The following SPATS2L variants were observed in gnomAD, a reference collection of about 807,000 sequenced individuals.
The protein encoded by SPATS2L is SPATS2-like protein.
SPATS2L carries 30 observed loss-of-function variants against 59.6 expected under a neutral mutation model. The ratio of observed to expected loss-of-function variants is 0.50; its 90% CI spans 0.38 to 0.68. The LOEUF is 0.68. SPATS2L is among the 30% of genes least tolerant of loss of function. SPATS2L has a pLI of 0.00. For missense variants in SPATS2L, 615 were observed against 700.0 expected, an observed-to-expected ratio of 0.88 and a Z score of 1.37; for synonymous variants, 252 against 263.5, an observed-to-expected ratio of 0.96 and a Z score of 0.42.
At chr2:200,326,405 A>T (rs560185862) in intron 1 of SPATS2L, among the ~76,000 whole-genome samples, 1 of 152,362 alleles carries the variant, frequency 6.6e-6, no homozygotes, top group African/African-American at 2.4e-5. Flanking sequence ...AAAAGAAGAA[A>T]AATTACCAAT....
At chr2:200,412,995 G>T (rs1356481599) in intron 4 of SPATS2L, among the ~76,000 whole-genome samples, 1 of 152,184 alleles carries the variant, frequency 6.6e-6, no homozygotes, top group African/African-American at 2.4e-5. Context: ...GGCAGAGGTT[G>T]CACTGAGCTG....
Position 200,481,398 on chromosome 2 carries a change from A to T in SPATS2L, c.*3367A>T, listed in dbSNP as rs981297397. On this transcript the variant is annotated 3_prime_UTR_variant, in exon 13 of 13. Transcript: ENST00000409140. ...AGCCTTGATTTGAACCTCAAACTTG[A>T]TTTCACCATGAGAAGTGGGGATCAA... 2 of 152,208 alleles carry T rather than the reference A, an allele frequency of 1.3e-5. No individual in the cohort carries two copies. Among genetic ancestry groups the T allele is most frequent in the African/African-American group, 4.8e-5 (2 of 41,454 alleles). 9.4% of individuals were successfully genotyped at this position (152,208 alleles called of 1,614,324 possible).
chr2:200,362,108 ATGG>A (rs1459731483), intron 2 of SPATS2L, among the ~76,000 whole-genome samples: 1 of 152,088 alleles, frequency 6.6e-6, no homozygotes, highest in African/African-American at 2.4e-5. Context: ...ATAGCTAGGC[ATGG>A]TGGCACATGC....
At chr2:200,306,629 G>C (rs1409403622), upstream of SPATS2L, 1 of 992,528 alleles carries the variant, frequency 1.0e-6, no homozygotes, top group African/African-American at 1.8e-5. Context: ...GAAGGCGGGC[G>C]GGTCGGCGGG....
Position 200,478,134 on chromosome 2 carries a change from G to C in SPATS2L, c.*103G>C. 1 of 1,080,734 alleles carries C rather than the reference G, an allele frequency of 9.3e-7. No individual in the cohort carries two copies. The highest frequency in any genetic ancestry group is 3.1e-4 in the Middle Eastern group (1 of 3,184). The allele number at this position is 1,080,734 out of a possible 1,614,324, so 66.9% of individuals were successfully genotyped here. A position where few individuals can be genotyped will look rare whatever the true frequency, so the allele number is the denominator to read the frequency against. ...GTGTCAATCAGAATATACAAATCCC[G>C]TATGGTTGTGTCATCCTCTCTTAAT... On this transcript the variant is annotated 3_prime_UTR_variant, in exon 13 of 13. Coordinates refer to ENST00000409140, the MANE Select transcript of SPATS2L (RefSeq NM_001100423.2).
chr2:200,334,001 C>T (rs1246596561), intron 2 of SPATS2L, among the ~76,000 whole-genome samples: 1 of 152,144 alleles, frequency 6.6e-6, no homozygotes, highest in Non-Finnish European at 1.5e-5. Flanking sequence ...GATTTATAAT[C>T]CTTTGGGTAT....
chr2:200,452,312 T>A (rs1351456092), intron 8 of SPATS2L, among the ~76,000 whole-genome samples: 1 of 152,254 alleles, frequency 6.6e-6, no homozygotes, highest in African/African-American at 2.4e-5. Context: ...CATTTAATGT[T>A]GTGGGATTTC....
chr2:200,378,980 C>T (rs933292102), intron 2 of SPATS2L, among the ~76,000 whole-genome samples: 7 of 152,314 alleles, frequency 4.6e-5, no homozygotes, highest in East Asian at 3.9e-4. Flanking sequence ...AATACCTTTG[C>T]GCCTGACTCT....
chr2:200,387,093 A>T (rs1234730388), intron 2 of SPATS2L, among the ~76,000 whole-genome samples: 1 of 152,216 alleles, frequency 6.6e-6, no homozygotes, highest in Non-Finnish European at 1.5e-5. Flanking sequence ...CACTATTAGA[A>T]ATAATCAGAA....
intron 2 of SPATS2L, among the ~76,000 whole-genome samples, chr2:200,355,229 G>A (rs2080873440): frequency 6.6e-6 from 1 of 152,176 alleles, no homozygotes; most frequent in Non-Finnish European, 1.5e-5. Flanking sequence ...TGGAAAAATC[G>A]TGGTTTCTGG....
intron 2 of SPATS2L, among the ~76,000 whole-genome samples, chr2:200,349,253 G>C (rs1054971970): frequency 4.6e-5 from 7 of 151,830 alleles, no homozygotes; most frequent in African/African-American, 1.7e-4. Flanking sequence ...TCTCAGAATA[G>C]CAGGACCCTA....
intron 2 of SPATS2L, among the ~76,000 whole-genome samples, chr2:200,346,227 A>G (rs1044018914): frequency 6.6e-6 from 1 of 152,192 alleles, no homozygotes; most frequent in Non-Finnish European, 1.5e-5. Context: ...ATGACTTCTG[A>G]GTGGTTGTTA....
intron 2 of SPATS2L, among the ~76,000 whole-genome samples, chr2:200,362,786 T>A (rs941452767): frequency 2.0e-5 from 3 of 152,012 alleles, no homozygotes; most frequent in East Asian, 1.9e-4. Context: ...AGTAAAAAAA[T>A]ATCTAAGGAT....
intron 2 of SPATS2L, chr2:200,351,176 G>A (rs979955882): frequency 6.4e-6 from 3 of 466,694 alleles, no homozygotes; most frequent in Non-Finnish European, 1.3e-5. Context: ...TGAGGGAGAA[G>A]TGCATTTGTG....
intron 10 of SPATS2L, 122 bp from the exon 11 acceptor site, chr2:200,469,792 G>C (rs1018784187): frequency 2.8e-6 from 2 of 717,668 alleles, no homozygotes; most frequent in Non-Finnish European, 4.6e-6. Context: ...AACAGGGCTG[G>C]AAAGATCCCC....
chr2:200,444,522 C>G (rs1018459021), intron 8 of SPATS2L, among the ~76,000 whole-genome samples: 1 of 152,022 alleles, frequency 6.6e-6, no homozygotes, highest in African/African-American at 2.4e-5. Flanking sequence ...TAAAGAGGCT[C>G]TAGAGAATGG....
intron 8 of SPATS2L, among the ~76,000 whole-genome samples, chr2:200,455,768 C>T (rs1048071694): frequency 2.0e-5 from 3 of 152,134 alleles, no homozygotes; most frequent in Admixed American, 6.5e-5. Flanking sequence ...CTGTCCTATC[C>T]AGCCTGCAGA....
chr2:200,351,948 A>G (rs542761180), intron 2 of SPATS2L, among the ~76,000 whole-genome samples: 9 of 152,176 alleles, frequency 5.9e-5, no homozygotes, highest in Admixed American at 5.2e-4. Context: ...TTGCCTTTTA[A>G]TGGATTCTAA....
intron 12 of SPATS2L, among the ~76,000 whole-genome samples, chr2:200,474,532 G>C (rs1289820609): frequency 6.6e-6 from 1 of 151,822 alleles, no homozygotes; most frequent in Non-Finnish European, 1.5e-5. Flanking sequence ...CAAATTCCTG[G>C]GCTCAAGCGA....
Sources: allele counts gnomAD v4.1 joint callset (sites outside exome capture counted in the v4.1 genomes callset), GRCh38; gene constraint gnomAD v4.1.1; transcripts MANE v1.5; gene names NCBI Gene and HGNC (gene_info 2026-07-23, HGNC 2026-07-21).